Variants in ADH4 observed in about 807,000 individuals in gnomAD.
ADH4 encodes the protein all-trans-retinol dehydrogenase [NAD(+)] ADH4.
Under a neutral mutation model 35.2 loss-of-function variants are expected in ADH4, and 31 were observed. The observed-to-expected ratio is 0.88, with a 90% CI of 0.66 to 1.19. The LOEUF is 1.19. Among genes scored for constraint, ADH4 ranks in the 50% most tolerant of loss-of-function variants. The probability of loss-of-function intolerance (pLI) is 0.00; values close to 1 mark genes in which losing one functional copy is unlikely to be tolerated. For synonymous variants in ADH4, 171 were observed against 160.2 expected (o/e 1.07, Z -0.51); for missense variants, 476 against 458.3 (o/e 1.04, Z -0.35).
Position 99,126,730 on chromosome 4 carries a change from A to C in ADH4, c.982T>G (p.Trp328Gly). 1 of 1,601,500 alleles carries C rather than the reference A, an allele frequency of 6.2e-7. No individual in the cohort carries two copies. The highest frequency in any genetic ancestry group is 8.5e-7 in the Non-Finnish European group (1 of 1,171,022). Residue 328 changes from tryptophan to glycine, a missense_variant and splice_region_variant, in exon 8 of 9, where the codon TGG (tryptophan) becomes GGG (glycine). Transcript: ENST00000265512. ...RTINGTFFGG[W>G]KSVDSIPKLV... ...TTTGGGATAGAATCTACACTTTTCCAACCTGTAATGTGGACAAAATGCAAA... is the reference window on the plus strand; with the variant it reads ...TTTGGGATAGAATCTACACTTTTCCCACCTGTAATGTGGACAAAATGCAAA...
At chr4:99,131,996 A>C (rs1729294713) in intron 5 of ADH4, among the ~76,000 whole-genome samples, 1 of 152,236 alleles carries the variant, frequency 6.6e-6, no homozygotes, top group Non-Finnish European at 1.5e-5. Flanking sequence ...AACCCAAGTA[A>C]AAATAATTCC....
intron 1 of ADH4, 56 bp from the exon 2 acceptor site, chr4:99,142,836 T>G: frequency 7.4e-7 from 1 of 1,356,636 alleles, no homozygotes; most frequent in Non-Finnish European, 1.0e-6. Flanking sequence ...TTGACAGGGT[T>G]GGGGGTAGGA....
intron 5 of ADH4, 139 bp downstream of exon 5, chr4:99,136,327 G>T: frequency 1.5e-6 from 1 of 655,852 alleles, no homozygotes; most frequent in Non-Finnish European, 2.7e-6. Flanking sequence ...TTATTCTAGA[G>T]GGATTAAATA....
At chr4:99,136,999 G>T (rs1729455047) in intron 4 of ADH4, among the ~76,000 whole-genome samples, 1 of 151,870 alleles carries the variant, frequency 6.6e-6, no homozygotes, top group African/African-American at 2.4e-5. Flanking sequence ...GCCTAGGCTG[G>T]ACTGCAGTGG....
At chr4:99,130,810 T>C (rs1005027497) in intron 6 of ADH4, among the ~76,000 whole-genome samples, 1 of 152,128 alleles carries the variant, frequency 6.6e-6, no homozygotes, top group Non-Finnish European at 1.5e-5. Context: ...CTCAGGAAAT[T>C]CTAACATATA....
At chr4:99,139,227 C>T (rs1323787523) in intron 3 of ADH4, 79 bp from the exon 4 acceptor site, 4 of 893,392 alleles carry the variant, frequency 4.5e-6, no homozygotes, top group Non-Finnish European at 7.0e-6. Flanking sequence ...TGGAAAACAC[C>T]TTTTCTTTAT....
intron 4 of ADH4, among the ~76,000 whole-genome samples, chr4:99,138,623 C>T (rs940455087): frequency 4.6e-5 from 7 of 152,166 alleles, no homozygotes; most frequent in Admixed American, 1.3e-4. Flanking sequence ...GCTTTTACTA[C>T]ATATACAAAT....
chr4:99,133,794 A>T (rs951341126), intron 5 of ADH4: 1 of 152,214 alleles, frequency 6.6e-6, no homozygotes, highest in African/African-American at 2.4e-5. Flanking sequence ...GAAAACAGAA[A>T]ATCTGCTCAA....
At chr4:99,126,770 C>T (rs780845990) in intron 7 of ADH4, 38 bp from the exon 8 acceptor site, 4 of 1,557,908 alleles carry the variant, frequency 2.6e-6, no homozygotes. Context: ...AGACATGGCA[C>T]TTGACACGAA....
chr4:99,128,075 A>G (rs902156902), intron 6 of ADH4, among the ~76,000 whole-genome samples: 1 of 152,054 alleles, frequency 6.6e-6, no homozygotes, highest in Admixed American at 6.6e-5. Flanking sequence ...CACCTAATTT[A>G]TCAGCAAAAT....
At chr4:99,133,301 T>C (rs770373585) in intron 5 of ADH4, among the ~76,000 whole-genome samples, 3 of 152,196 alleles carry the variant, frequency 2.0e-5, no homozygotes, top group Non-Finnish European at 1.5e-5. Context: ...TAGATGATTA[T>C]CTATCTGCAA....
At chr4:99,137,035 C>T (rs559959368) in intron 4 of ADH4, among the ~76,000 whole-genome samples, 7 of 152,222 alleles carry the variant, frequency 4.6e-5, no homozygotes, top group East Asian at 3.9e-4. Context: ...CCGCAACCTC[C>T]GCCTTCCGAG....
intron 8 of ADH4, among the ~76,000 whole-genome samples, chr4:99,125,154 C>T (rs1359814838): frequency 1.3e-5 from 2 of 152,200 alleles, no homozygotes; most frequent in African/African-American, 4.8e-5. Context: ...CCCCCCACTT[C>T]CTTGCTTCTT....
At chr4:99,135,603 T>A (rs1379234335) in intron 5 of ADH4, among the ~76,000 whole-genome samples, 1 of 152,080 alleles carries the variant, frequency 6.6e-6, no homozygotes, top group African/African-American at 2.4e-5. Flanking sequence ...CCACAGTGAC[T>A]GAAGCCTGGA....
Position 99,127,246 on chromosome 4 carries a change from T to C in ADH4, c.942A>G (p.Leu314=). The change falls in exon 7 of 9, where the codon CTA becomes CTG. Residue 314 remains leucine, a synonymous_variant. Coordinates refer to ENST00000265512, the MANE Select transcript of ADH4 (RefSeq NM_000670.5). ...TTCCATTTATAGTACGGCCGATTATTAGCTCCTCTGGAAAAATAGTCAATC... is the reference window on the plus strand; with the variant it reads ...TTCCATTTATAGTACGGCCGATTATCAGCTCCTCTGGAAAAATAGTCAATC... The part of the protein sequence containing the change: ...SKGLTIFPEE[L]IIGRTINGTF... 2 of 1,611,390 alleles carry C rather than the reference T, an allele frequency of 1.2e-6. No individual in the cohort carries two copies. Among genetic ancestry groups the C allele is most frequent in the Non-Finnish European group, 1.7e-6 (2 of 1,178,448 alleles).
chr4:99,139,434 T>C (rs563802308), intron 3 of ADH4, among the ~76,000 whole-genome samples: 78 of 152,338 alleles, frequency 5.1e-4, no homozygotes, highest in Non-Finnish European at 8.5e-4. Flanking sequence ...ACTCTCTGCA[T>C]CATGACTATT....
rs1729665385 is a variant in ADH4 at position 99,142,690 on chromosome 4, C to T, written c.109G>A (p.Val37Ile). 1.3e-6 allele frequency: 2 copies of T among 1,579,748 alleles called. No homozygotes were observed. ...VEVAPPKAHE[V>I]RIQIIATSLC... ...AAGTCTCCACTTACCTGAATGCGAA[C>T]TTCATGAGCCTTGGGGGGAGCTACT... Residue 37 changes from valine to isoleucine, a missense_variant, in exon 2 of 9, where the codon GTT becomes ATT. Transcript: ENST00000265512.
At position 99,131,671 on chromosome 4, in the gene ADH4, T is replaced by C. The variant is rs756644325; in HGVS notation, c.676A>G (p.Ile226Val). 1.9e-6 allele frequency: 3 copies of C among 1,614,160 alleles called. No individual in the cohort carries two copies. The highest frequency in any genetic ancestry group is 1.1e-5 in the South Asian group (1 of 91,078). ...GCKAAGASRI[I>V]GIDINSEKFV... ...TTCTCACTGTTGATGTCAATACCTA[T>C]GATTCTGGAAGCTCCTGCTGCTTTA... The change falls in exon 6 of 9, where the codon ATA (isoleucine) becomes GTA (valine). Residue 226 changes from isoleucine to valine, a missense_variant. Coordinates refer to ENST00000265512, the MANE Select transcript of ADH4 (RefSeq NM_000670.5).
chr4:99,139,265 T>C (rs1729537892), intron 3 of ADH4, 117 bp from the exon 4 acceptor site: 1 of 632,318 alleles, frequency 1.6e-6, no homozygotes, highest in African/African-American at 1.8e-5. Flanking sequence ...CAGTGGAAAG[T>C]ATAGGTGGCT....
Sources: allele counts gnomAD v4.1 joint callset (sites outside exome capture counted in the v4.1 genomes callset), GRCh38; gene constraint gnomAD v4.1.1; transcripts MANE v1.5; gene names NCBI Gene and HGNC (gene_info 2026-07-23, HGNC 2026-07-21).